Variants in ROBO1 observed in about 807,000 individuals in gnomAD.
ROBO1 encodes roundabout guidance receptor 1, also known as roundabout homolog 1.
Under a neutral mutation model 195.9 loss-of-function variants are expected in ROBO1, and 149 were observed. The ratio of observed to expected loss-of-function variants is 0.76; its 90% confidence interval spans 0.67 to 0.87. The LOEUF (loss-of-function observed/expected upper bound fraction) is 0.87, where lower values mean the gene tolerates loss of function less well. Ranked by LOEUF, ROBO1 falls within the 40% of genes least tolerant of loss-of-function variation. ROBO1 has a pLI of 0.00. For missense variants in ROBO1, 1,933 were observed against 2,068.3 expected (o/e 0.93, Z 1.27); for synonymous variants, 816 against 733.2 (o/e 1.11, Z -1.82).
intron 1 of ROBO1, among the ~76,000 whole-genome samples, chr3:79,623,320 C>A (rs560419303): frequency 5.3e-5 from 8 of 152,278 alleles, no homozygotes; most frequent in African/African-American, 1.9e-4. Context: ...CTCTCATTCA[C>A]GGACACAGAA....
chr3:79,150,488 T>G (rs1226281601), intron 2 of ROBO1, among the ~76,000 whole-genome samples: 1 of 151,782 alleles, frequency 6.6e-6, no homozygotes, highest in East Asian at 1.9e-4. Flanking sequence ...GACAATATTA[T>G]GGCAGGTAGG....
At chr3:79,232,745 A>G (rs547709225) in intron 2 of ROBO1, among the ~76,000 whole-genome samples, 7 of 152,282 alleles carry the variant, frequency 4.6e-5, no homozygotes, top group Admixed American at 4.6e-4. Flanking sequence ...AATTTGATAC[A>G]GAGCCAATGC....
At chr3:78,702,525 A>ATT (rs1423667192) in intron 8 of ROBO1, among the ~76,000 whole-genome samples, 1 of 152,224 alleles carries the variant, frequency 6.6e-6, no homozygotes, top group African/African-American at 2.4e-5. Context: ...TGATAAAATA[A>ATT]TTCCAAGTCT....
At chr3:78,804,220 G>A (rs2084460000) in intron 4 of ROBO1, among the ~76,000 whole-genome samples, 1 of 152,110 alleles carries the variant, frequency 6.6e-6, no homozygotes, top group Admixed American at 6.5e-5. Flanking sequence ...GGAGACTTGT[G>A]TCTGTTTATC....
chr3:79,274,197 C>A (rs1170337374), intron 2 of ROBO1, among the ~76,000 whole-genome samples: 2 of 151,936 alleles, frequency 1.3e-5, no homozygotes, highest in Non-Finnish European at 1.5e-5. Flanking sequence ...TCTCATCCAA[C>A]AGCTACAGAA....
At chr3:79,373,997 AT>A (rs2036294529) in intron 2 of ROBO1, among the ~76,000 whole-genome samples, 1 of 152,102 alleles carries the variant, frequency 6.6e-6, no homozygotes, top group Non-Finnish European at 1.5e-5. Flanking sequence ...CATAATTGTT[AT>A]TTTTTAATTT....
intron 10 of ROBO1, among the ~76,000 whole-genome samples, chr3:78,671,752 G>A (rs910641509): frequency 6.6e-6 from 1 of 152,066 alleles, no homozygotes; most frequent in Non-Finnish European, 1.5e-5. Context: ...TTTGAAACTT[G>A]GCAGAAGGAA....
At chr3:79,083,885 A>C (rs2108469945) in intron 3 of ROBO1, among the ~76,000 whole-genome samples, 1 of 152,270 alleles carries the variant, frequency 6.6e-6, no homozygotes, top group Non-Finnish European at 1.5e-5. Flanking sequence ...ATGGTTCTGA[A>C]CCAAACTTCT....
At chr3:79,267,547 CT>C (rs200965543) in intron 2 of ROBO1, among the ~76,000 whole-genome samples, 3,644 of 140,314 alleles carry the variant, frequency 0.026, 109 homozygotes, top group African/African-American at 0.075. Flanking sequence ...AAATCTATCT[CT>C]TTTTTTTTTT....
chr3:79,673,566 G>C (rs1489880942), intron 1 of ROBO1, among the ~76,000 whole-genome samples: 2 of 151,962 alleles, frequency 1.3e-5, no homozygotes, highest in African/African-American at 4.8e-5. Context: ...TTTTGTGTGG[G>C]AGGCACAGTC....
chr3:78,905,890 T>A (rs2037879010), intron 4 of ROBO1, among the ~76,000 whole-genome samples: 1 of 152,090 alleles, frequency 6.6e-6, no homozygotes, highest in South Asian at 2.1e-4. Context: ...GGGGCAGGAT[T>A]TGGATCTAAG....
At chr3:79,114,995 A>T (rs1334758381) in intron 3 of ROBO1, among the ~76,000 whole-genome samples, 1 of 152,192 alleles carries the variant, frequency 6.6e-6, no homozygotes, top group Non-Finnish European at 1.5e-5. Flanking sequence ...AGGACTTTTT[A>T]AAAAAGCAGT....
At chr3:79,241,937 C>T (rs541338387) in intron 2 of ROBO1, among the ~76,000 whole-genome samples, 1 of 89,166 alleles carries the variant, frequency 1.1e-5, no homozygotes, top group African/African-American at 4.6e-5. Flanking sequence ...CTTCTTAATG[C>T]TTAATTTAAG....
intron 2 of ROBO1, among the ~76,000 whole-genome samples, chr3:79,194,683 C>T (rs937536276): frequency 1.8e-4 from 27 of 151,638 alleles, no homozygotes; most frequent in African/African-American, 6.3e-4. Context: ...TTAATTATAT[C>T]CTTCTGTCTT....
At chr3:79,608,923 C>T (rs549817959) in intron 1 of ROBO1, among the ~76,000 whole-genome samples, 5 of 151,954 alleles carry the variant, frequency 3.3e-5, no homozygotes, top group African/African-American at 9.6e-5. Flanking sequence ...GGGCACTTCC[C>T]TTGTGAATGG....
At chr3:79,297,625 C>T (rs759301995) in intron 2 of ROBO1, among the ~76,000 whole-genome samples, 10 of 152,052 alleles carry the variant, frequency 6.6e-5, no homozygotes, top group African/African-American at 1.4e-4. Context: ...TTTATGTTAG[C>T]TCCCATGGGA....
chr3:79,521,686 C>T (rs1419559483), intron 2 of ROBO1, among the ~76,000 whole-genome samples: 1 of 152,086 alleles, frequency 6.6e-6, no homozygotes, highest in Non-Finnish European at 1.5e-5. Context: ...TTCAAATAAA[C>T]ACTTTTAGCA....
intron 2 of ROBO1, among the ~76,000 whole-genome samples, chr3:79,582,407 A>G (rs1249360625): frequency 6.6e-6 from 1 of 151,808 alleles, no homozygotes; most frequent in Non-Finnish European, 1.5e-5. Flanking sequence ...TTATAATAAT[A>G]ATTTATTGTA....
At position 78,722,432 on chromosome 3, in the gene ROBO1, G is replaced by T. The variant is rs1200697369; in HGVS notation, c.658-4549C>A. ...AACATAATATGACTAAAAGCATATG[G>T]TTACACAGTGTTCATACATGTAAAA... is the stretch of plus-strand genomic sequence containing the variant. On this transcript the variant is annotated intron_variant, in intron 5 of 30. Coordinates refer to ENST00000464233, the MANE Select transcript of ROBO1 (RefSeq NM_002941.4). Among the ~76,000 whole-genome samples, 4 of 152,032 alleles carry T rather than the reference G, an allele frequency of 2.6e-5. No homozygotes were observed. The East Asian group carries it at 5.8e-4, about 22-fold the overall frequency.
Sources: gnomAD v4.1 joint callset for allele counts (sites outside exome capture counted in the v4.1 genomes callset) on GRCh38, gnomAD v4.1.1 for gene constraint, MANE v1.5 for transcripts, NCBI Gene and HGNC (gene_info 2026-07-23, HGNC 2026-07-21) for gene names.